Variants in CRMP1 observed in about 807,000 individuals in gnomAD.
CRMP1 encodes the protein dihydropyrimidinase-related protein 1.
CRMP1 carries 19 observed loss-of-function variants against 68.3 expected under a neutral mutation model. That is an observed-to-expected ratio of 0.28 (90% CI 0.19 to 0.41). The LOEUF (loss-of-function observed/expected upper bound fraction) is 0.41, where lower values mean the gene tolerates loss of function less well. Among genes scored for constraint, CRMP1 ranks in the 10% least tolerant of loss-of-function variants. CRMP1 has a pLI of 1.00. For synonymous variants in CRMP1, 439 were observed against 399.6 expected, an observed-to-expected ratio of 1.10 and a Z score of -1.18; for missense variants, 791 against 967.4, an observed-to-expected ratio of 0.82 and a Z score of 2.42.
Position 5,889,284 on chromosome 4 carries a change from CTG to C in CRMP1, c.381+3303_381+3304del, listed in dbSNP as rs777612413. Among the ~76,000 whole-genome samples, 1 of 152,200 alleles carries C rather than the reference CTG, an allele frequency of 6.6e-6. No homozygotes were observed. The highest frequency in any genetic ancestry group is 1.5e-5 in the Non-Finnish European group (1 of 68,030). ...TCCCTCATCACACAGCAGCCTGACACTGGGGCCACCAGGTCACCCCACAGAAT... is the reference window on the plus strand; with the variant it reads ...TCCCTCATCACACAGCAGCCTGACACGGGCCACCAGGTCACCCCACAGAAT... On this transcript the variant is annotated intron_variant, in intron 1 of 13. Coordinates refer to ENST00000324989, the MANE Select transcript of CRMP1 (RefSeq NM_001014809.3). The surrounding 1 kb of genome is among the most constrained non-coding windows in gnomAD (Gnocchi z 4.5).
At chr4:5,887,881 CG>C in intron 1 of CRMP1, 2 of 880,332 alleles carry the variant, frequency 2.3e-6, no homozygotes, top group Non-Finnish European at 2.8e-6. Flanking sequence ...GCGAGGCCTG[CG>C]GGGAGGGGGT....
intron 1 of CRMP1, among the ~76,000 whole-genome samples, chr4:5,884,555 C>T (rs1034367342): frequency 3.3e-5 from 5 of 151,928 alleles, no homozygotes; most frequent in South Asian, 2.1e-4. Context: ...TGAATGCAAG[C>T]TCTCCTTCCT....
intron 12 of CRMP1, among the ~76,000 whole-genome samples, chr4:5,827,611 C>G (rs1034841877): frequency 2.0e-5 from 3 of 149,970 alleles, no homozygotes; most frequent in African/African-American, 4.9e-5. Context: ...TGCTCGCATA[C>G]ACACACGCGC....
At chr4:5,874,698 G>A (rs1714688632) in intron 1 of CRMP1, among the ~76,000 whole-genome samples, 1 of 151,984 alleles carries the variant, frequency 6.6e-6, no homozygotes, top group Non-Finnish European at 1.5e-5. Context: ...GAGTGCAAAG[G>A]AGAGAAAAGG....
chr4:5,849,416 T>C lies in CRMP1; in HGVS notation c.939A>G (p.Ala313=). ...CCTGAGCTATCAAATCTCCATTTTCTGCATGGACCAAGATCACAGCTCCCA... is the reference window on the plus strand; with the variant it reads ...CCTGAGCTATCAAATCTCCATTTTCCGCATGGACCAAGATCACAGCTCCCA... The part of the protein sequence containing the change: ...KGLGAVILVH[A]ENGDLIAQEQ... Residue 313 remains alanine, a synonymous_variant, in exon 6 of 14, where the codon GCA becomes GCG. Transcript: ENST00000324989. The C allele has an allele frequency of 6.2e-7, 1 of 1,613,906 alleles. No individual in the cohort carries two copies. Among genetic ancestry groups the C allele is most frequent in the Non-Finnish European group, 8.5e-7 (1 of 1,179,944 alleles).
intron 4 of CRMP1, among the ~76,000 whole-genome samples, chr4:5,852,985 G>C (rs1268088251): frequency 6.6e-6 from 1 of 152,136 alleles, no homozygotes; most frequent in Non-Finnish European, 1.5e-5. Flanking sequence ...GGTGCAGGGG[G>C]CTGGGGCTCT....
At position 5,892,873 on chromosome 4, in the gene CRMP1, C is replaced by A; in HGVS notation, c.97G>T (p.Gly33Cys). Residue 33 changes from glycine (G) to cysteine (C), a missense_variant, in exon 1 of 14, where the codon GGC becomes TGC. Physicochemically the swap from Gly to Cys is radical, Grantham distance 159. Coordinates refer to ENST00000324989, the MANE Select transcript of CRMP1 (RefSeq NM_001014809.3). The surrounding 1 kb of genome is among the most constrained non-coding windows in gnomAD (Gnocchi z 8.6). ...SAAQTPRQKY[G>C]GMFAAVEGAY... Reference sequence around the variant, plus strand: ...CCCTCCACCGCGGCGAACATGCCGCCGTACTTCTGGCGCGGGGTCTGCGCC... The same window carrying A: ...CCCTCCACCGCGGCGAACATGCCGCAGTACTTCTGGCGCGGGGTCTGCGCC... The A allele has an allele frequency of 7.1e-7, 1 of 1,414,128 alleles. No individual in the cohort carries two copies. Among genetic ancestry groups the A allele is most frequent in the Non-Finnish European group, 9.3e-7 (1 of 1,073,820 alleles). The allele number at this position is 1,414,128 out of a possible 1,614,324, so 87.6% of individuals were successfully genotyped here. A position where few individuals can be genotyped will look rare whatever the true frequency, so the allele number is the denominator to read the frequency against.
chr4:5,844,503 A>G (rs1406660419), intron 6 of CRMP1, among the ~76,000 whole-genome samples: 1 of 152,174 alleles, frequency 6.6e-6, no homozygotes, highest in African/African-American at 2.4e-5. Flanking sequence ...AAAATAATGG[A>G]CTACACACAT....
intron 1 of CRMP1, among the ~76,000 whole-genome samples, chr4:5,876,734 A>G (rs1181357884): frequency 4.6e-5 from 7 of 151,388 alleles, no homozygotes; most frequent in Admixed American, 4.6e-4. Flanking sequence ...CGGTAGGCAT[A>G]TCCCCCCACC....
Position 5,840,529 on chromosome 4 carries a change from G to A in CRMP1, c.1153+779C>T, listed in dbSNP as rs372514767. Among the ~76,000 whole-genome samples the A allele has an allele frequency of 2.2e-4, 34 of 152,366 alleles. No individual in the cohort carries two copies. The East Asian group carries it at 3.1e-3, about 14-fold the overall frequency. On this transcript the variant is annotated intron_variant, in intron 8 of 13. Transcript: ENST00000324989. Reference sequence around the variant, plus strand: ...CCCATCAAGCAGCGCTTTCTGCAGCGAGGGGGGTGCCCTGTATCACAGCTG... The same window carrying A: ...CCCATCAAGCAGCGCTTTCTGCAGCAAGGGGGGTGCCCTGTATCACAGCTG...
rs1440986843 is a variant in CRMP1 at position 5,872,351 on chromosome 4, ACAG to A, written c.382-5598_382-5596del. 6.6e-6 allele frequency among the ~76,000 whole-genome samples: 1 copy of A among 152,208 alleles called. No homozygotes were observed. The highest frequency in any genetic ancestry group is 6.5e-5 in the Admixed American group (1 of 15,282). On this transcript the variant is annotated intron_variant, in intron 1 of 13. Transcript: ENST00000324989. The surrounding 1 kb of genome is among the most constrained non-coding windows in gnomAD (Gnocchi z 4.6). ...CTCACGGGGTTACTGTGAGGGGAAAACAGCAGATGTGAACAATGGTACGCTCTG... is the reference window on the plus strand; with the variant it reads ...CTCACGGGGTTACTGTGAGGGGAAAACAGATGTGAACAATGGTACGCTCTG...
At chr4:5,885,494 TG>T (rs1715518939) in intron 1 of CRMP1, among the ~76,000 whole-genome samples, 1 of 152,198 alleles carries the variant, frequency 6.6e-6, no homozygotes, top group Non-Finnish European at 1.5e-5. Flanking sequence ...ACTGCCTTCA[TG>T]ATTTGATCTA....
At chr4:5,875,398 GAAA>G (rs10561614) in intron 1 of CRMP1, among the ~76,000 whole-genome samples, 74,340 of 137,654 alleles carry the variant, frequency 0.54, 19,233 homozygotes, top group East Asian at 0.73. Context: ...CTAGATTTTA[GAAA>G]AAAAAAAAAA....
chr4:5,828,954 G>A (rs898150730), intron 11 of CRMP1, among the ~76,000 whole-genome samples: 1 of 152,014 alleles, frequency 6.6e-6, no homozygotes. Flanking sequence ...TATGCAATGT[G>A]GCTGCTTTGA....
chr4:5,848,351 C>T (rs1712376970), intron 6 of CRMP1, among the ~76,000 whole-genome samples: 1 of 152,126 alleles, frequency 6.6e-6, no homozygotes, highest in African/African-American at 2.4e-5. Flanking sequence ...TCCACCACAC[C>T]CAGCTAATTT....
In CRMP1 at chr4:5,892,443, T is replaced by A; in HGVS notation, c.381+146A>T. 4 of 815,050 alleles carry A rather than the reference T, an allele frequency of 4.9e-6. No individual in the cohort carries two copies. Among genetic ancestry groups the A allele is most frequent in the Non-Finnish European group, 6.3e-6 (4 of 636,518 alleles). The allele number at this position is 815,050 out of a possible 1,614,324, so 50.5% of individuals were successfully genotyped here. Reference sequence around the variant, plus strand: ...TCTGGGAACCTCTTGCATGATGAGGTGGGGGAGGGGCCGCGCCGTGGCTCT... The same window carrying A: ...TCTGGGAACCTCTTGCATGATGAGGAGGGGGAGGGGCCGCGCCGTGGCTCT... On this transcript the variant is annotated intron_variant, in intron 1 of 13. Transcript: ENST00000324989. This position sits in a 1 kb window ranked among gnomAD's most constrained non-coding sequence, Gnocchi z 8.6.
At chr4:5,886,920 C>T (rs550854754) in intron 1 of CRMP1, among the ~76,000 whole-genome samples, 1 of 152,202 alleles carries the variant, frequency 6.6e-6, no homozygotes, top group Non-Finnish European at 1.5e-5. Context: ...GAGGTGGTGC[C>T]CACCCTCTGG....
In CRMP1 at chr4:5,881,455, AC is replaced by A. The variant is rs1715213080; in HGVS notation, c.381+11133del. On this transcript the variant is annotated intron_variant, in intron 1 of 13. Transcript: ENST00000324989. This position sits in a 1 kb window ranked among gnomAD's most constrained non-coding sequence, Gnocchi z 4.6. ...TAAAATTACACCAGGTAAGTCTGCA[AC>A]CATCACCATGCCCTCCCACTGCAGT... Among the ~76,000 whole-genome samples the A allele has an allele frequency of 6.6e-6, 1 of 152,174 alleles. No individual in the cohort carries two copies. Among genetic ancestry groups the A allele is most frequent in the Non-Finnish European group, 1.5e-5 (1 of 68,028 alleles).
intron 4 of CRMP1, among the ~76,000 whole-genome samples, chr4:5,852,542 CACTT>C (rs753673413): frequency 6.6e-6 from 1 of 152,210 alleles, no homozygotes; most frequent in Non-Finnish European, 1.5e-5. Flanking sequence ...ATGTTACAAA[CACTT>C]ACTGAGAGCC....
Sources: allele counts gnomAD v4.1 joint callset (sites outside exome capture counted in the v4.1 genomes callset), GRCh38; gene constraint gnomAD v4.1.1; non-coding constraint Gnocchi (gnomAD v3.1); transcripts MANE v1.5; gene names NCBI Gene and HGNC (gene_info 2026-07-23, HGNC 2026-07-21).